The following FTO variants were observed in gnomAD, a reference collection of about 807,000 sequenced individuals.
FTO encodes alpha-ketoglutarate-dependent dioxygenase FTO.
Under a neutral mutation model 63.9 loss-of-function variants are expected in FTO, and 47 were observed. The observed-to-expected ratio is 0.74, with a 90% CI of 0.58 to 0.94. The LOEUF is 0.94. FTO is among the 40% of genes least tolerant of loss of function. The probability of loss-of-function intolerance (pLI) is 0.00; values close to 1 mark genes in which losing one functional copy is unlikely to be tolerated. For synonymous variants in FTO, 207 were observed against 224.4 expected, an observed-to-expected ratio of 0.92 and a Z score of 0.69; for missense variants, 562 against 618.1, an observed-to-expected ratio of 0.91 and a Z score of 0.96.
intron 1 of FTO, among the ~76,000 whole-genome samples, chr16:53,717,238 C>T (rs1366225334): frequency 6.6e-6 from 1 of 151,846 alleles, no homozygotes; most frequent in Non-Finnish European, 1.5e-5. Flanking sequence ...ATGCCAGTTT[C>T]CAATTTAAAG....
chr16:53,774,358 T>C (rs184696562), intron 1 of FTO, among the ~76,000 whole-genome samples: 8 of 152,318 alleles, frequency 5.3e-5, no homozygotes, highest in Admixed American at 5.2e-4. Context: ...AAGATGTTGC[T>C]ATAATTACCT....
At chr16:53,783,750 T>C (rs889157125) in intron 1 of FTO, among the ~76,000 whole-genome samples, 3 of 149,978 alleles carry the variant, frequency 2.0e-5, no homozygotes, top group Non-Finnish European at 4.4e-5. Context: ...ATCGCGCCAC[T>C]GCACTCCGGC....
At chr16:53,844,818 T>G (rs919357569) in intron 4 of FTO, among the ~76,000 whole-genome samples, 3 of 152,196 alleles carry the variant, frequency 2.0e-5, no homozygotes, top group Non-Finnish European at 4.4e-5. Flanking sequence ...GCTAAACAAT[T>G]TTCTGGATTC....
intron 8 of FTO, among the ~76,000 whole-genome samples, chr16:54,088,824 C>T (rs773082659): frequency 9.9e-5 from 15 of 152,280 alleles, no homozygotes; most frequent in East Asian, 5.8e-4. Context: ...TTCATAGTAG[C>T]GTCCTTCCAC....
intron 8 of FTO, among the ~76,000 whole-genome samples, chr16:54,100,626 A>G (rs1344216398): frequency 6.6e-6 from 1 of 152,200 alleles, no homozygotes; most frequent in Non-Finnish European, 1.5e-5. Context: ...GTGCTGGGAT[A>G]ACAGACGTGA....
chr16:53,888,338 G>C lies in FTO; in HGVS notation c.1120-494G>C, dbSNP rs929259933. Reference sequence around the variant, plus strand: ...CTTGCCTCAGCCTCCCAAGCAGCCAGGACGACCAGCACACACCACTGCCAA... The same window carrying C: ...CTTGCCTCAGCCTCCCAAGCAGCCACGACGACCAGCACACACCACTGCCAA... On this transcript the variant is annotated intron_variant, in intron 6 of 8. Coordinates refer to ENST00000471389, the MANE Select transcript of FTO (RefSeq NM_001080432.3). 9.3e-4 allele frequency among the ~76,000 whole-genome samples: 58 copies of C among 62,148 alleles called. 1 individual carries two copies. The highest frequency in any genetic ancestry group is 1.0e-3 in the Admixed American group (5 of 4,946). 40.8% of individuals were successfully genotyped at this position (62,148 alleles called of 152,430 possible).
intron 7 of FTO, among the ~76,000 whole-genome samples, chr16:53,898,106 TC>T (rs1042944672): frequency 2.6e-5 from 4 of 152,134 alleles, no homozygotes; most frequent in African/African-American, 9.7e-5. Context: ...GTCGTTTCAC[TC>T]CCCTGTTTCA....
chr16:53,895,101 T>C (rs1406432491), intron 7 of FTO, among the ~76,000 whole-genome samples: 2 of 152,104 alleles, frequency 1.3e-5, no homozygotes, highest in East Asian at 1.9e-4. Flanking sequence ...CCACCCACTC[T>C]AATTCCCCAC....
rs1175139602 is a variant in FTO, at chr16:53,856,366, T to G, written c.895+12068T>G. ...AGCCCAATAAACATCTTTTTTTTTT[T>G]TTGGGGGGGGATATTTATTTACCAA... On this transcript the variant is annotated intron_variant, in intron 4 of 8. Coordinates refer to ENST00000471389, the MANE Select transcript of FTO (RefSeq NM_001080432.3). Among the ~76,000 whole-genome samples the G allele has an allele frequency of 7.9e-5, 11 of 138,680 alleles. No individual in the cohort carries two copies. The South Asian group carries it at 1.8e-3, about 23-fold the overall frequency. 91.0% of individuals were successfully genotyped at this position (138,680 alleles called of 152,430 possible). A position where few individuals can be genotyped will look rare whatever the true frequency, so the allele number is the denominator to read the frequency against.
rs2086894549 is a variant in FTO at position 54,111,784 on chromosome 16, A to T, written c.1387A>T (p.Thr463Ser). The T allele has an allele frequency of 6.2e-7, 1 of 1,613,994 alleles. No individual in the cohort carries two copies. Among genetic ancestry groups the T allele is most frequent in the South Asian group, 1.1e-5 (1 of 91,072 alleles). ...CAGGTGCCAGTCACGAATTGCCCGA[A>T]CATTACCTGCTGATCAGAAGCCAGA... ...HARCQSRIARTLPADQKPECR... is the reference protein window; with the variant it reads ...HARCQSRIARSLPADQKPECR... The change falls in exon 9 of 9, where the codon ACA becomes TCA. Residue 463 changes from threonine to serine, a missense_variant. Coordinates refer to ENST00000471389, the MANE Select transcript of FTO (RefSeq NM_001080432.3).
chr16:53,765,939 G>GT (rs1282564802), intron 1 of FTO, among the ~76,000 whole-genome samples: 1 of 152,176 alleles, frequency 6.6e-6, no homozygotes, highest in Non-Finnish European at 1.5e-5. Context: ...GAGCGTGTGT[G>GT]TGGAGTGACT....
chr16:53,881,956 C>T (rs950956786), intron 6 of FTO, among the ~76,000 whole-genome samples: 4 of 152,088 alleles, frequency 2.6e-5, no homozygotes, highest in Non-Finnish European at 5.9e-5. Flanking sequence ...TTCCTTTCTT[C>T]ATGTTAAGAA....
At chr16:53,720,024 T>C (rs1175820012) in intron 1 of FTO, among the ~76,000 whole-genome samples, 1 of 152,040 alleles carries the variant, frequency 6.6e-6, no homozygotes, top group Non-Finnish European at 1.5e-5. Flanking sequence ...TACCCTGAAT[T>C]CCCCCATTCC....
intron 1 of FTO, among the ~76,000 whole-genome samples, chr16:53,756,580 A>T (rs1429289076): frequency 6.6e-6 from 1 of 152,228 alleles, no homozygotes; most frequent in African/African-American, 2.4e-5. Context: ...GTTACAAAAG[A>T]TTCTTAACAC....
At chr16:53,806,904 T>G (rs1286162112) in intron 1 of FTO, among the ~76,000 whole-genome samples, 1 of 152,206 alleles carries the variant, frequency 6.6e-6, no homozygotes, top group East Asian at 1.9e-4. Flanking sequence ...TATGGTTTTG[T>G]TTTGCCCTCC....
At chr16:53,959,899 G>A (rs529757155) in intron 8 of FTO, among the ~76,000 whole-genome samples, 1 of 152,150 alleles carries the variant, frequency 6.6e-6, no homozygotes, top group African/African-American at 2.4e-5. Flanking sequence ...AGGCCCAGGG[G>A]CATGAAGGTG....
rs1435795918 is a variant in FTO at position 53,921,783 on chromosome 16, G to A, written c.1240-12202G>A. On this transcript the variant is annotated intron_variant, in intron 7 of 8. Coordinates refer to ENST00000471389, the MANE Select transcript of FTO (RefSeq NM_001080432.3). ...AGCATTTTCATTTTCTTTATTGAAG[G>A]TTTTGTGGCTCTGATGGTTTTATTT... is the stretch of plus-strand genomic sequence containing the variant. Among the ~76,000 whole-genome samples the A allele has an allele frequency of 2.6e-5, 4 of 152,126 alleles. No individual in the cohort carries two copies. The South Asian group carries it at 6.2e-4, about 24-fold the overall frequency.
At chr16:53,772,716 A>G (rs1335235655) in intron 1 of FTO, among the ~76,000 whole-genome samples, 2 of 152,128 alleles carry the variant, frequency 1.3e-5, no homozygotes, top group South Asian at 2.1e-4. Flanking sequence ...CAGTGTGTCT[A>G]TTAGATGCTA....
intron 1 of FTO, among the ~76,000 whole-genome samples, chr16:53,797,975 T>C (rs901809358): frequency 5.3e-5 from 8 of 152,116 alleles, no homozygotes; most frequent in Non-Finnish European, 1.2e-4. Context: ...ATTGATGTAT[T>C]TATTAATTTT....
Sources: gnomAD v4.1 joint callset for allele counts (sites outside exome capture counted in the v4.1 genomes callset) on GRCh38, gnomAD v4.1.1 for gene constraint, MANE v1.5 for transcripts, NCBI Gene and HGNC (gene_info 2026-07-23, HGNC 2026-07-21) for gene names.